The following FGF14 variants were observed in gnomAD, a reference collection of about 807,000 sequenced individuals.
The protein encoded by FGF14 is fibroblast growth factor 14.
A neutral mutation model predicts 25.5 loss-of-function variants in FGF14; 5 were observed. The ratio of observed to expected loss-of-function variants is 0.20; its 90% CI spans 0.10 to 0.41. The LOEUF (loss-of-function observed/expected upper bound fraction) is 0.41. Ranked by LOEUF, FGF14 falls within the 10% of genes least tolerant of loss-of-function variation. The pLI, the probability that FGF14 is intolerant of heterozygous loss-of-function variation, is 1.00. For synonymous variants in FGF14, 138 were observed against 118.3 expected, an observed-to-expected ratio of 1.17 and a Z score of -1.08; for missense variants, 222 against 320.1, an observed-to-expected ratio of 0.69 and a Z score of 2.34.
chr13:102,038,951 T>C (rs76410750), intron 1 of FGF14, among the ~76,000 whole-genome samples: 5,353 of 152,256 alleles, frequency 0.035, 288 homozygotes, highest in African/African-American at 0.12. Context: ...GCTGAGTATG[T>C]ACTGTACCAG....
intron 1 of FGF14, among the ~76,000 whole-genome samples, chr13:101,963,433 C>T (rs928522929): frequency 6.6e-6 from 1 of 152,258 alleles, no homozygotes; most frequent in East Asian, 1.9e-4. Flanking sequence ...CTAATTCTGA[C>T]ATTTGTGGGG....
chr13:101,794,809 A>G (rs1269555788), intron 3 of FGF14, among the ~76,000 whole-genome samples: 1 of 152,146 alleles, frequency 6.6e-6, no homozygotes, highest in East Asian at 1.9e-4. Context: ...TTATTAGGGG[A>G]AGTTTATCGA....
At chr13:102,316,593 T>A (rs2056034813) in intron 1 of FGF14, among the ~76,000 whole-genome samples, 1 of 152,186 alleles carries the variant, frequency 6.6e-6, no homozygotes, top group Admixed American at 6.6e-5. Flanking sequence ...AAAATACATT[T>A]ACAAATTGCC....
intron 1 of FGF14, among the ~76,000 whole-genome samples, chr13:102,308,605 T>C (rs2055534257): frequency 6.6e-6 from 1 of 152,200 alleles, no homozygotes; most frequent in South Asian, 2.1e-4. Flanking sequence ...GTAGCAGACC[T>C]AGTTTCTAGC....
rs2034614091 is a variant in FGF14, at chr13:101,714,275, A to C, written c.*8556T>G. The stretch of plus-strand genomic sequence containing the variant: ...CTTTCCTGGGTGACCTTTATGAATT[A>C]CAGTAAGTAAAGCTCCCCTCTGAGA... On this transcript the variant is annotated 3_prime_UTR_variant, in exon 5 of 5. Transcript: ENST00000376143. The C allele has an allele frequency of 1.6e-6, 1 of 612,526 alleles. No individual in the cohort carries two copies. Among genetic ancestry groups the C allele is most frequent in the Admixed American group, 2.9e-5 (1 of 34,928 alleles). 37.9% of individuals were successfully genotyped at this position (612,526 alleles called of 1,614,324 possible).
intron 1 of FGF14, among the ~76,000 whole-genome samples, chr13:102,278,214 T>C (rs1277960886): frequency 1.3e-5 from 2 of 152,182 alleles, no homozygotes; most frequent in Non-Finnish European, 2.9e-5. Context: ...AGGCTAAGGG[T>C]TCTGAAGAGT....
At chr13:102,304,809 AG>A (rs2138609122) in intron 1 of FGF14, among the ~76,000 whole-genome samples, 1 of 152,284 alleles carries the variant, frequency 6.6e-6, no homozygotes, top group East Asian at 1.9e-4. Context: ...ATCTTAGAAG[AG>A]GGTGCTCCAG....
chr13:102,319,641 G>A (rs768732039), intron 1 of FGF14, among the ~76,000 whole-genome samples: 1 of 152,224 alleles, frequency 6.6e-6, no homozygotes, highest in African/African-American at 2.4e-5. Context: ...TGTAAGCAGT[G>A]TCAGGAAAGT....
At chr13:102,166,376 C>T (rs2048012318) in intron 1 of FGF14, among the ~76,000 whole-genome samples, 1 of 151,812 alleles carries the variant, frequency 6.6e-6, no homozygotes, top group African/African-American at 2.4e-5. Flanking sequence ...AAAATCAATA[C>T]TTGCGGGACT....
chr13:101,903,237 T>TGGTG (rs2031797694), intron 1 of FGF14, among the ~76,000 whole-genome samples: 1 of 124,828 alleles, frequency 8.0e-6, no homozygotes, highest in Non-Finnish European at 1.7e-5. Flanking sequence ...ACTCTAATTG[T>TGGTG]GGTGTGTGTG....
At chr13:101,864,038 G>A (rs2140425827) in intron 3 of FGF14, among the ~76,000 whole-genome samples, 1 of 152,286 alleles carries the variant, frequency 6.6e-6, no homozygotes, top group Admixed American at 6.5e-5. Flanking sequence ...ACTATCTTAT[G>A]TAGAGTGGAT....
intron 1 of FGF14, among the ~76,000 whole-genome samples, chr13:101,956,323 C>T (rs2036513182): frequency 6.6e-6 from 1 of 152,134 alleles, no homozygotes; most frequent in African/African-American, 2.4e-5. Flanking sequence ...CTTGACATTG[C>T]GTATTATCAT....
chr13:101,712,336 G>A lies in FGF14; in HGVS notation c.*10495C>T, dbSNP rs1364552623. 1 of 152,086 alleles carries A rather than the reference G, an allele frequency of 6.6e-6. No individual in the cohort carries two copies. Among genetic ancestry groups the A allele is most frequent in the Non-Finnish European group, 1.5e-5 (1 of 68,028 alleles). The allele number at this position is 152,086 out of a possible 1,614,324, so 9.4% of individuals were successfully genotyped here. A position where few individuals can be genotyped will look rare whatever the true frequency, so the allele number is the denominator to read the frequency against. On this transcript the variant is annotated 3_prime_UTR_variant, in exon 5 of 5. Transcript: ENST00000376143. ...CAGCGACTAGTAGACTTTCAGAACTGGAATTTACTCATCAAATGTTCTATC... is the reference window on the plus strand; with the variant it reads ...CAGCGACTAGTAGACTTTCAGAACTAGAATTTACTCATCAAATGTTCTATC...
In FGF14 at chr13:102,216,389, G is replaced by A. The variant is rs375217983; in HGVS notation, c.208+185082C>T. ...AATCATTTATTCACAGCAGGATTGA[G>A]GTAACATAGGTAAAGAATCAAGGGC... On this transcript the variant is annotated intron_variant, in intron 1 of 4. Transcript: ENST00000376131. 8.5e-5 allele frequency among the ~76,000 whole-genome samples: 13 copies of A among 152,154 alleles called. No homozygotes were observed. In the East Asian group the frequency reaches 1.7e-3, roughly 20 times the overall value.
At chr13:102,247,120 A>G (rs1019286216) in intron 1 of FGF14, among the ~76,000 whole-genome samples, 1 of 152,092 alleles carries the variant, frequency 6.6e-6, no homozygotes, top group Admixed American at 6.6e-5. Context: ...AAAATCAAAA[A>G]CTATAATAAC....
chr13:101,833,077 A>G (rs1325477271), intron 3 of FGF14, among the ~76,000 whole-genome samples: 1 of 152,068 alleles, frequency 6.6e-6, no homozygotes, highest in Non-Finnish European at 1.5e-5. Context: ...TGGGTAGCCC[A>G]GGGCTGAGAA....
At chr13:101,737,181 A>G (rs1157325594) in intron 3 of FGF14, among the ~76,000 whole-genome samples, 3 of 151,430 alleles carry the variant, frequency 2.0e-5, no homozygotes, top group African/African-American at 7.3e-5. Flanking sequence ...TTAAGAAATT[A>G]CTTTGTAATT....
At chr13:102,038,157 T>C (rs1184093565) in intron 1 of FGF14, among the ~76,000 whole-genome samples, 1 of 152,190 alleles carries the variant, frequency 6.6e-6, no homozygotes, top group African/African-American at 2.4e-5. Flanking sequence ...AATGCTCATA[T>C]TCAACTATAT....
intron 1 of FGF14, among the ~76,000 whole-genome samples, chr13:102,204,884 A>T (rs537308651): frequency 6.6e-6 from 1 of 152,216 alleles, no homozygotes; most frequent in Non-Finnish European, 1.5e-5. Context: ...TGATTATATC[A>T]CAAGGTATAA....
Sources: gnomAD v4.1 joint callset for allele counts (sites outside exome capture counted in the v4.1 genomes callset) on GRCh38, gnomAD v4.1.1 for gene constraint, MANE v1.5 for transcripts, NCBI Gene and HGNC (gene_info 2026-07-23, HGNC 2026-07-21) for gene names.